MT1H: variants seen among roughly 807,000 people sequenced by gnomAD.
MT1H encodes metallothionein 1H.
A neutral mutation model predicts 8.7 loss-of-function variants in MT1H; 8 were observed. The ratio of observed to expected loss-of-function variants is 0.92; its 90% CI spans 0.54 to 1.66. The LOEUF (loss-of-function observed/expected upper bound fraction) is 1.66. Ranked by LOEUF, MT1H falls within the 40% of genes most tolerant of loss-of-function variation. The pLI, the probability that MT1H is intolerant of heterozygous loss-of-function variation, is 0.00. For missense variants in MT1H, 84 were observed against 75.2 expected (o/e 1.12, Z -0.43); for synonymous variants, 32 against 28.9 (o/e 1.11, Z -0.34).
chr16:56,670,316 TACA>T (rs144433579), intron 1 of MT1H, among the ~76,000 whole-genome samples, 187 bp from the exon 2 acceptor site: 3,175 of 152,292 alleles, frequency 0.021, 78 homozygotes, highest in African/African-American at 0.056. Flanking sequence ...ACCTTTGGAA[TACA>T]AACGGAGGGT....
intron 1 of MT1H, 88 bp from the exon 2 acceptor site, chr16:56,670,418 A>G: frequency 6.3e-7 from 1 of 1,590,004 alleles, no homozygotes; most frequent in Non-Finnish European, 8.6e-7. Flanking sequence ...GGCCCTGAAC[A>G]GAGAAGGGGG....
chr16:56,670,614 G>A (rs747554080), intron 2 of MT1H, 43 bp downstream of exon 2: 8 of 1,614,208 alleles, frequency 5.0e-6, no homozygotes, highest in Non-Finnish European at 5.9e-6. Flanking sequence ...CTGTGGCTAA[G>A]GTTGGGAGGG....
intron 1 of MT1H, 142 bp from the exon 2 acceptor site, chr16:56,670,364 G>A (rs1485124112): frequency 8.1e-7 from 1 of 1,235,256 alleles, no homozygotes; most frequent in Non-Finnish European, 1.1e-6. Flanking sequence ...AGAGGAGATG[G>A]GTCTTCTCTT....
intron 1 of MT1H, 93 bp from the exon 2 acceptor site, chr16:56,670,413 T>G: frequency 6.3e-7 from 1 of 1,584,780 alleles, no homozygotes; most frequent in South Asian, 1.1e-5. Flanking sequence ...CGGCTGGCCC[T>G]GAACAGAGAA....
rs550945642 is a variant in MT1H, at chr16:56,670,267, G to A, written c.29-239G>A. On this transcript the variant is annotated intron_variant, in intron 1 of 2. Transcript: ENST00000332374. ...TCAGGGTTCAGCACAGAAAGTCGAAGTCGCAGTCTTCCCGGGCTGTGCCTG... is the reference window on the plus strand; with the variant it reads ...TCAGGGTTCAGCACAGAAAGTCGAAATCGCAGTCTTCCCGGGCTGTGCCTG... 1.4e-4 allele frequency among the ~76,000 whole-genome samples: 21 copies of A among 152,330 alleles called. No individual in the cohort carries two copies. The South Asian group carries it at 3.5e-3, about 26-fold the overall frequency.
intron 2 of MT1H, 101 bp downstream of exon 2, chr16:56,670,672 G>T (rs569836497): frequency 1.9e-6 from 3 of 1,600,076 alleles, no homozygotes; most frequent in Non-Finnish European, 1.7e-6. Context: ...CCCCTAGGCC[G>T]TCACTGCCTT....
At position 56,669,927 on chromosome 16, in the gene MT1H, G is replaced by C. The variant is rs762670990; in HGVS notation, c.28+15G>C. 1.2e-6 allele frequency: 2 copies of C among 1,613,592 alleles called. No individual in the cohort carries two copies. Among genetic ancestry groups the C allele is most frequent in the Non-Finnish European group, 1.7e-6 (2 of 1,180,002 alleles). The stretch of plus-strand genomic sequence containing the variant: ...CTGCGAGGCTGGTAAGGAACGCCCG[G>C]GTTCTGTGCCTTAGGATGCCAAATT... On this transcript the variant is annotated intron_variant, in intron 1 of 2. Transcript: ENST00000332374.
At position 56,670,103 on chromosome 16, in the gene MT1H, A is replaced by G. The variant is rs555924072; in HGVS notation, c.28+191A>G. Reference sequence around the variant, plus strand: ...TCCCTGTGCCTCTATGTCAGAGTTGAGGGTCCTAAGGCTCAAGGCTGTCCT... The same window carrying G: ...TCCCTGTGCCTCTATGTCAGAGTTGGGGGTCCTAAGGCTCAAGGCTGTCCT... On this transcript the variant is annotated intron_variant, in intron 1 of 2. Coordinates refer to ENST00000332374, the MANE Select transcript of MT1H (RefSeq NM_005951.2). Among the ~76,000 whole-genome samples the G allele has an allele frequency of 6.6e-5, 10 of 152,146 alleles. No individual in the cohort carries two copies. In the South Asian group the frequency reaches 2.1e-3, roughly 31 times the overall value.
At chr16:56,670,387 G>A (rs1475530731) in intron 1 of MT1H, 119 bp from the exon 2 acceptor site, 3 of 1,449,270 alleles carry the variant, frequency 2.1e-6, no homozygotes, top group Non-Finnish European at 2.9e-6. Context: ...TCTGCTGAGT[G>A]GGAAAGGAGC....
intron 1 of MT1H, among the ~76,000 whole-genome samples, chr16:56,670,246 G>A (rs1389796128): frequency 6.6e-6 from 1 of 152,228 alleles, no homozygotes; most frequent in Non-Finnish European, 1.5e-5. Context: ...GCCTCTTCAG[G>A]GTTCAGCACA....
At position 56,669,932 on chromosome 16, in the gene MT1H, T is replaced by G. The variant is rs1477500663; in HGVS notation, c.28+20T>G. Reference sequence around the variant, plus strand: ...AGGCTGGTAAGGAACGCCCGGGTTCTGTGCCTTAGGATGCCAAATTCCCAG... The same window carrying G: ...AGGCTGGTAAGGAACGCCCGGGTTCGGTGCCTTAGGATGCCAAATTCCCAG... On this transcript the variant is annotated intron_variant, in intron 1 of 2. Transcript: ENST00000332374. The G allele has an allele frequency of 6.2e-7, 1 of 1,613,980 alleles. No homozygotes were observed. Among genetic ancestry groups the G allele is most frequent in the Admixed American group, 1.7e-5 (1 of 59,992 alleles).
chr16:56,669,831 T>C lies in MT1H; in HGVS notation c.-54T>C. The C allele has an allele frequency of 6.2e-7, 1 of 1,613,712 alleles. No individual in the cohort carries two copies. On this transcript the variant is annotated 5_prime_UTR_variant, in exon 1 of 3. Transcript: ENST00000332374. The stretch of plus-strand genomic sequence containing the variant: ...TGCGCTCCACCACGCCCTCCACGTG[T>C]TCCACTGCCTCTTCTCTTCTCGCTT...
rs1960864484 is a variant in MT1H, at chr16:56,670,911, T to C, written c.108T>C (p.Cys36=). ...CTSCKKSCCS[C]CPLGCAKCAQ... ...CTTTTTCCCCAGGCTGCTGCTCCTG[T>C]TGCCCCCTGGGCTGTGCCAAGTGTG... The change falls in exon 3 of 3, where the codon TGT becomes TGC. Residue 36 remains cysteine, a synonymous_variant. Transcript: ENST00000332374. 1 of 1,614,206 alleles carries C rather than the reference T, an allele frequency of 6.2e-7. No individual in the cohort carries two copies. The highest frequency in any genetic ancestry group is 8.5e-7 in the Non-Finnish European group (1 of 1,180,022).
chr16:56,671,057 C>T lies in MT1H; in HGVS notation c.*68C>T, dbSNP rs777604265. 123 of 1,557,550 alleles carry T rather than the reference C, an allele frequency of 7.9e-5. 1 individual carries two copies. The highest frequency in any genetic ancestry group is 9.2e-5 in the Non-Finnish European group (106 of 1,149,090). On this transcript the variant is annotated 3_prime_UTR_variant, in exon 3 of 3. Coordinates refer to ENST00000332374, the MANE Select transcript of MT1H (RefSeq NM_005951.2). ...TAAAATCCAGGATTTTTTTTTTCTACAACTCCGACTCATTTGCTACATTCC... is the reference window on the plus strand; with the variant it reads ...TAAAATCCAGGATTTTTTTTTTCTATAACTCCGACTCATTTGCTACATTCC...
At position 56,669,908 on chromosome 16, in the gene MT1H, G is replaced by A. The variant is rs1258177767; in HGVS notation, c.24G>A (p.Glu8=). The A allele has an allele frequency of 1.2e-6, 2 of 1,614,102 alleles. No homozygotes were observed. Among genetic ancestry groups the A allele is most frequent in the East Asian group, 2.2e-5 (1 of 44,882 alleles). ...CAATGGACCCCAACTGCTCCTGCGA[G>A]GCTGGTAAGGAACGCCCGGGTTCTG... is the stretch of plus-strand genomic sequence containing the variant. MDPNCSC[E]AGGSCACAGS... is the part of the protein sequence containing the mutation. The change falls in exon 1 of 3, where the codon GAG becomes GAA. Residue 8 remains glutamate, a synonymous_variant. Transcript: ENST00000332374.
Position 56,670,976 on chromosome 16 carries a change from G to A in MT1H, c.173G>A (p.Ser58Asn). 1 of 1,614,254 alleles carries A rather than the reference G, an allele frequency of 6.2e-7. No individual in the cohort carries two copies. Among genetic ancestry groups the A allele is most frequent in the African/African-American group, 1.3e-5 (1 of 75,060 alleles). The change falls in exon 3 of 3, where the codon AGC (serine) becomes AAC (asparagine). Residue 58 changes from serine (S) to asparagine (N), a missense_variant. By Grantham distance (46) the Ser-to-Asn change is conservative. Transcript: ENST00000332374. ...TGCAAAGGGGCGTCAGAGAAGTGCA[G>A]CTGCTGTGCCTGATGTCGGGACAGC... is the stretch of plus-strand genomic sequence containing the variant. ...CICKGASEKC[S>N]CCA
chr16:56,670,392 A>G, intron 1 of MT1H, 114 bp from the exon 2 acceptor site: 1 of 1,482,806 alleles, frequency 6.7e-7, no homozygotes, highest in Non-Finnish European at 9.3e-7. Context: ...TGAGTGGGAA[A>G]GGAGCTCTGA....
intron 1 of MT1H, 61 bp downstream of exon 1, chr16:56,669,973 T>C (rs770563414): frequency 1.2e-6 from 2 of 1,609,398 alleles, no homozygotes; most frequent in African/African-American, 1.3e-5. Flanking sequence ...ATAGAGAGTG[T>C]CCCTGGGTTT....
intron 1 of MT1H, among the ~76,000 whole-genome samples, 160 bp from the exon 2 acceptor site, chr16:56,670,346 A>G (rs1206042100): frequency 2.0e-5 from 3 of 152,232 alleles, no homozygotes; most frequent in African/African-American, 7.2e-5. Flanking sequence ...TTTTCCCAGC[A>G]TGAATGGAGA....
Sources: gnomAD v4.1 joint callset for allele counts (sites outside exome capture counted in the v4.1 genomes callset) on GRCh38, gnomAD v4.1.1 for gene constraint, MANE v1.5 for transcripts, NCBI Gene and HGNC (gene_info 2026-07-23, HGNC 2026-07-21) for gene names.